Variants in MARCHF11 observed in about 807,000 individuals in gnomAD.
MARCHF11 encodes membrane associated ring-CH-type finger 11, also known as E3 ubiquitin-protein ligase MARCHF11.
Under a neutral mutation model 37.3 loss-of-function variants are expected in MARCHF11, and 29 were observed. The ratio of observed to expected loss-of-function variants is 0.78; its 90% CI spans 0.58 to 1.06. MARCHF11 has a LOEUF of 1.06. Among genes scored for constraint, MARCHF11 ranks in the 50% least tolerant of loss-of-function variants. The pLI is 0.00. For synonymous variants in MARCHF11, 233 were observed against 228.0 expected (o/e 1.02, Z -0.20); for missense variants, 482 against 533.4 (o/e 0.90, Z 0.95).
Position 16,165,047 on chromosome 5 carries a change from T to C in MARCHF11, c.693+12679A>G, listed in dbSNP as rs149126751. On this transcript the variant is annotated intron_variant, in intron 2 of 3. Coordinates refer to ENST00000332432, the MANE Select transcript of MARCHF11 (RefSeq NM_001102562.3). ...CATCACTCAAAGCTGTCCAGCCACA[T>C]GGTCTTTTTATTCCCTCAAACACTC... Among the ~76,000 whole-genome samples the C allele has an allele frequency of 4.5e-3, 686 of 152,222 alleles. 1 individual carries two copies. The highest frequency in any genetic ancestry group is 7.0e-3 in the Non-Finnish European group (476 of 67,986).
In MARCHF11 at chr5:16,179,673, A is replaced by T; in HGVS notation, c.-98T>A. ...GAGGGGGCGGGAGGGAGAGGGGAAA[A>T]GGAGGGAGGGGGCCCGGACGCCTGG... On this transcript the variant is annotated 5_prime_UTR_variant, in exon 1 of 4. Coordinates refer to ENST00000332432, the MANE Select transcript of MARCHF11 (RefSeq NM_001102562.3). 1 of 456,166 alleles carries T rather than the reference A, an allele frequency of 2.2e-6. No individual in the cohort carries two copies. Among genetic ancestry groups the T allele is most frequent in the Non-Finnish European group, 2.6e-6 (1 of 384,522 alleles). 28.3% of individuals were successfully genotyped at this position (456,166 alleles called of 1,614,324 possible).
At chr5:16,133,687 A>G (rs1737559187) in intron 2 of MARCHF11, among the ~76,000 whole-genome samples, 3 of 152,158 alleles carry the variant, frequency 2.0e-5, no homozygotes, top group Non-Finnish European at 2.9e-5. Flanking sequence ...ACATGAAAAA[A>G]GTTGAAATAT....
intron 3 of MARCHF11, among the ~76,000 whole-genome samples, chr5:16,074,189 A>C (rs1235301012): frequency 6.6e-6 from 1 of 152,216 alleles, no homozygotes; most frequent in Non-Finnish European, 1.5e-5. Context: ...AAAATTTAAA[A>C]ATTCTTTGAA....
intron 2 of MARCHF11, among the ~76,000 whole-genome samples, chr5:16,097,217 C>T (rs1213690445): frequency 4.6e-5 from 7 of 152,174 alleles, no homozygotes; most frequent in Admixed American, 6.5e-5. Context: ...TGGCAGAAAA[C>T]ATCTCAATGT....
At chr5:16,150,139 T>A (rs1216838401) in intron 2 of MARCHF11, among the ~76,000 whole-genome samples, 1 of 149,430 alleles carries the variant, frequency 6.7e-6, no homozygotes, top group African/African-American at 2.6e-5. Flanking sequence ...TTATACAGTT[T>A]AGATTTATGC....
intron 2 of MARCHF11, among the ~76,000 whole-genome samples, chr5:16,135,612 C>T (rs1737595464): frequency 6.6e-6 from 1 of 152,048 alleles, no homozygotes; most frequent in South Asian, 2.1e-4. Flanking sequence ...GAAGAAAACA[C>T]TGTTGCAAAA....
At chr5:16,177,245 T>A (rs1332908204) in intron 2 of MARCHF11, among the ~76,000 whole-genome samples, 2 of 152,214 alleles carry the variant, frequency 1.3e-5, no homozygotes, top group Non-Finnish European at 2.9e-5. Flanking sequence ...GAAAGCCTGG[T>A]TAAGTGGAAA....
intron 2 of MARCHF11, among the ~76,000 whole-genome samples, chr5:16,134,992 TCTCTCTCA>T (rs1479365074): frequency 3.0e-5 from 4 of 132,934 alleles, no homozygotes; most frequent in Non-Finnish European, 4.9e-5. Context: ...TCTCTCTCTC[TCTCTCTCA>T]CACACACACA....
In MARCHF11 at chr5:16,090,883, T is replaced by C; in HGVS notation, c.886+6A>G. Reference sequence around the variant, plus strand: ...AGTGTGTTAACGTTGAAGGTCATGGTCTTACCTATGCACACTAGATCCATA... The same window carrying C: ...AGTGTGTTAACGTTGAAGGTCATGGCCTTACCTATGCACACTAGATCCATA... On this transcript the variant is annotated splice_donor_region_variant and intron_variant, in intron 3 of 3. Coordinates refer to ENST00000332432, the MANE Select transcript of MARCHF11 (RefSeq NM_001102562.3). 1 of 1,544,046 alleles carries C rather than the reference T, an allele frequency of 6.5e-7. No individual in the cohort carries two copies. Among genetic ancestry groups the C allele is most frequent in the Non-Finnish European group, 8.8e-7 (1 of 1,142,058 alleles).
intron 2 of MARCHF11, among the ~76,000 whole-genome samples, chr5:16,118,538 T>C (rs1459298873): frequency 6.6e-6 from 1 of 152,190 alleles, no homozygotes; most frequent in Non-Finnish European, 1.5e-5. Context: ...TTTATAGACA[T>C]ATTCAGTTTG....
intron 2 of MARCHF11, among the ~76,000 whole-genome samples, chr5:16,159,335 G>C (rs534554153): frequency 6.6e-6 from 1 of 151,906 alleles, no homozygotes; most frequent in East Asian, 1.9e-4. Context: ...TTCCCTGATA[G>C]AGCATAGCAT....
chr5:16,082,053 G>A (rs1266637770), intron 3 of MARCHF11, among the ~76,000 whole-genome samples: 1 of 151,684 alleles, frequency 6.6e-6, no homozygotes, highest in Admixed American at 6.5e-5. Context: ...TACCTCCAGA[G>A]AAGAGAAAAA....
chr5:16,119,029 G>A (rs147052587), intron 2 of MARCHF11, among the ~76,000 whole-genome samples: 160 of 152,270 alleles, frequency 1.1e-3, no homozygotes, highest in African/African-American at 3.5e-3. Flanking sequence ...TCTATGTAAT[G>A]AGTCTTGGAA....
At chr5:16,081,557 G>A (rs1736608282) in intron 3 of MARCHF11, among the ~76,000 whole-genome samples, 1 of 152,198 alleles carries the variant, frequency 6.6e-6, no homozygotes. Context: ...AATTTGCCAA[G>A]CCTTGTTCTA....
At chr5:16,098,227 C>CTA (rs1257598184) in intron 2 of MARCHF11, among the ~76,000 whole-genome samples, 5 of 152,140 alleles carry the variant, frequency 3.3e-5, no homozygotes, top group African/African-American at 9.7e-5. Context: ...AGGGGAAATG[C>CTA]TATCTTTTCT....
intron 2 of MARCHF11, among the ~76,000 whole-genome samples, chr5:16,135,630 A>T (rs773624251): frequency 1.3e-5 from 2 of 152,180 alleles, no homozygotes; most frequent in Non-Finnish European, 2.9e-5. Context: ...AAAATTTTCA[A>T]GTGTTGATAT....
intron 2 of MARCHF11, among the ~76,000 whole-genome samples, chr5:16,104,775 C>A (rs1737010969): frequency 6.6e-6 from 1 of 151,890 alleles, no homozygotes; most frequent in African/African-American, 2.4e-5. Context: ...TGAGTTTGGA[C>A]TCTGAGGTCA....
intron 3 of MARCHF11, among the ~76,000 whole-genome samples, chr5:16,081,148 C>T (rs1164623421): frequency 6.6e-6 from 1 of 152,186 alleles, no homozygotes; most frequent in African/African-American, 2.4e-5. Context: ...ATTAACCTTC[C>T]CCATTAGCTC....
chr5:16,127,578 T>C (rs1393815204), intron 2 of MARCHF11, among the ~76,000 whole-genome samples: 1 of 152,174 alleles, frequency 6.6e-6, no homozygotes, highest in Non-Finnish European at 1.5e-5. Context: ...AGTTTATTTG[T>C]AGCTTCAAAT....
Sources: allele counts gnomAD v4.1 joint callset (sites outside exome capture counted in the v4.1 genomes callset), GRCh38; gene constraint gnomAD v4.1.1; transcripts MANE v1.5; gene names NCBI Gene and HGNC (gene_info 2026-07-23, HGNC 2026-07-21).